Variants in PTPRD observed in about 807,000 individuals in gnomAD.
PTPRD encodes the protein protein tyrosine phosphatase receptor type D.
A neutral mutation model predicts 214.5 loss-of-function variants in PTPRD; 34 were observed. That is an observed-to-expected ratio of 0.16 (90% CI 0.12 to 0.21). The LOEUF (loss-of-function observed/expected upper bound fraction) is 0.21, where lower values mean the gene tolerates loss of function less well. Ranked by LOEUF, PTPRD falls within the 10% of genes least tolerant of loss-of-function variation. PTPRD has a pLI of 1.00. For missense variants in PTPRD, 2,545 were observed against 2,398.7 expected (o/e 1.06, Z -1.27); for synonymous variants, 1,128 against 845.7 (o/e 1.33, Z -5.79).
chr9:8,330,915 T>G (rs1166497037), intron 44 of PTPRD, among the ~76,000 whole-genome samples: 4 of 151,354 alleles, frequency 2.6e-5, no homozygotes, highest in Non-Finnish European at 4.4e-5. Context: ...TAAATAAAAT[T>G]AGATGAATTG....
At chr9:9,430,597 C>A (rs1450977244) in intron 8 of PTPRD, among the ~76,000 whole-genome samples, 1 of 152,152 alleles carries the variant, frequency 6.6e-6, no homozygotes, top group Non-Finnish European at 1.5e-5. Flanking sequence ...ATTGCCAAGA[C>A]AATCCTAAGC....
intron 11 of PTPRD, among the ~76,000 whole-genome samples, chr9:8,759,466 G>A (rs1598924988): frequency 6.6e-6 from 1 of 151,892 alleles, no homozygotes; most frequent in Admixed American, 6.6e-5. Context: ...CTTTATCAAG[G>A]TATTGTCTGG....
chr9:9,669,787 G>A (rs560248325), intron 7 of PTPRD, among the ~76,000 whole-genome samples: 123 of 152,114 alleles, frequency 8.1e-4, no homozygotes, highest in African/African-American at 2.7e-3. Context: ...AAACCTTTAT[G>A]AGAATATTGA....
At chr9:8,689,660 A>G (rs1272302845) in intron 12 of PTPRD, among the ~76,000 whole-genome samples, 1 of 152,080 alleles carries the variant, frequency 6.6e-6, no homozygotes, top group African/African-American at 2.4e-5. Context: ...CACACATGGG[A>G]ATTATAGGAG....
intron 9 of PTPRD, among the ~76,000 whole-genome samples, chr9:9,188,833 TG>T (rs2099933297): frequency 6.6e-6 from 1 of 150,508 alleles, no homozygotes; most frequent in Non-Finnish European, 1.5e-5. Flanking sequence ...TGTGTGTGTG[TG>T]TGTGTGTGTT....
intron 7 of PTPRD, among the ~76,000 whole-genome samples, chr9:9,618,756 T>G (rs2095057122): frequency 6.6e-6 from 1 of 152,180 alleles, no homozygotes; most frequent in Admixed American, 6.5e-5. Flanking sequence ...GAATTTTAAG[T>G]GGGAGATACA....
intron 4 of PTPRD, among the ~76,000 whole-genome samples, chr9:9,983,536 A>G (rs1477025183): frequency 3.3e-5 from 5 of 152,346 alleles, no homozygotes; most frequent in Non-Finnish European, 7.3e-5. Flanking sequence ...TACCAGCTAC[A>G]CCGTAAGCCC....
chr9:10,569,940 G>A (rs192313833), intron 2 of PTPRD, among the ~76,000 whole-genome samples: 128 of 152,120 alleles, frequency 8.4e-4, no homozygotes, highest in African/African-American at 2.9e-3. Flanking sequence ...GTCTTGCTCT[G>A]AATGTGTTTT....
At chr9:10,539,246 G>A (rs1230882264) in intron 2 of PTPRD, among the ~76,000 whole-genome samples, 3 of 152,150 alleles carry the variant, frequency 2.0e-5, no homozygotes, top group African/African-American at 4.8e-5. Context: ...GTGCAGTGGT[G>A]TGATCTCAGC....
At chr9:9,659,552 C>A (rs967212666) in intron 7 of PTPRD, among the ~76,000 whole-genome samples, 1 of 151,728 alleles carries the variant, frequency 6.6e-6, no homozygotes, top group African/African-American at 2.4e-5. Flanking sequence ...CCTGGGCATT[C>A]CAAAGTTGAG....
chr9:10,505,495 C>A (rs2045607548), intron 2 of PTPRD, among the ~76,000 whole-genome samples: 1 of 152,118 alleles, frequency 6.6e-6, no homozygotes, highest in Non-Finnish European at 1.5e-5. Context: ...GAAGCTCTCA[C>A]CTGTCAACAG....
At chr9:9,429,079 C>G (rs575052443) in intron 8 of PTPRD, among the ~76,000 whole-genome samples, 1 of 152,038 alleles carries the variant, frequency 6.6e-6, no homozygotes, top group African/African-American at 2.4e-5. Flanking sequence ...GAAAAAGAGA[C>G]ACAAAAAACC....
At chr9:9,629,198 A>T (rs190945122) in intron 7 of PTPRD, among the ~76,000 whole-genome samples, 1 of 149,486 alleles carries the variant, frequency 6.7e-6, no homozygotes, top group Admixed American at 6.7e-5. Context: ...AATAAAAATT[A>T]AAAAATGAAA....
chr9:10,446,556 TA>T (rs1219508966), intron 2 of PTPRD, among the ~76,000 whole-genome samples: 2 of 151,804 alleles, frequency 1.3e-5, no homozygotes, highest in South Asian at 2.1e-4. Context: ...CTCTAGATTT[TA>T]AAAAATCATA....
chr9:8,596,584 C>T (rs2137349), intron 14 of PTPRD, among the ~76,000 whole-genome samples: 151,314 of 152,194 alleles, frequency 0.99, 75,222 homozygotes, highest in Middle Eastern at 1. Flanking sequence ...AAAAACAAGA[C>T]TGGTTTCAAT....
chr9:10,573,603 A>G (rs956013458), intron 2 of PTPRD, among the ~76,000 whole-genome samples: 3 of 152,266 alleles, frequency 2.0e-5, no homozygotes, highest in African/African-American at 7.2e-5. Context: ...TTGAGAGCAG[A>G]TGGAGAGAAG....
chr9:8,620,793 A>G (rs1390030766), intron 14 of PTPRD, among the ~76,000 whole-genome samples: 1 of 152,030 alleles, frequency 6.6e-6, no homozygotes, highest in Non-Finnish European at 1.5e-5. Context: ...AGTCCTTTCA[A>G]GTCTATATTA....
intron 4 of PTPRD, among the ~76,000 whole-genome samples, chr9:9,969,997 C>A (rs901249168): frequency 2.0e-5 from 3 of 152,080 alleles, no homozygotes; most frequent in Non-Finnish European, 4.4e-5. Flanking sequence ...GGAGAACTGT[C>A]ATTCAGTAGA....
chr9:9,858,804 C>T (rs1209674419), intron 5 of PTPRD, among the ~76,000 whole-genome samples: 1 of 152,082 alleles, frequency 6.6e-6, no homozygotes, highest in Admixed American at 6.5e-5. Context: ...TACTTTTAGA[C>T]CCAAATCAAC....
Sources: allele counts gnomAD v4.1 joint callset (sites outside exome capture counted in the v4.1 genomes callset), GRCh38; gene constraint gnomAD v4.1.1; transcripts MANE v1.5; gene names NCBI Gene and HGNC (gene_info 2026-07-23, HGNC 2026-07-21).